CLVS1: variants seen among roughly 807,000 people sequenced by gnomAD.
CLVS1 encodes clavesin-1.
A neutral mutation model predicts 33.1 loss-of-function variants in CLVS1; 10 were observed. The observed-to-expected ratio is 0.30, with a 90% CI of 0.19 to 0.51. The LOEUF is 0.51. Ranked by LOEUF, CLVS1 falls within the 20% of genes least tolerant of loss-of-function variation. CLVS1 has a pLI of 0.97. For synonymous variants in CLVS1, 163 were observed against 166.1 expected (o/e 0.98, Z 0.14); for missense variants, 343 against 433.4 (o/e 0.79, Z 1.85).
At chr8:61,131,228 T>G (rs1806093310) in intron 1 of CLVS1, among the ~76,000 whole-genome samples, 1 of 152,200 alleles carries the variant, frequency 6.6e-6, no homozygotes, top group Admixed American at 6.5e-5. Context: ...ACAAAAGATG[T>G]CTGCCCTGAG....
chr8:61,203,087 G>T, intron 2 of CLVS1: 1 of 1,288,188 alleles, frequency 7.8e-7, no homozygotes, highest in East Asian at 2.3e-5. Context: ...AGACATTAAA[G>T]CAAAAATGCA....
chr8:61,410,369 A>G (rs1815173477), intron 3 of CLVS1, among the ~76,000 whole-genome samples: 1 of 152,190 alleles, frequency 6.6e-6, no homozygotes, highest in African/African-American at 2.4e-5. Context: ...GTGTCTATTC[A>G]TGTAGAGATA....
At chr8:61,158,343 C>G (rs1806688559) in intron 2 of CLVS1, among the ~76,000 whole-genome samples, 1 of 152,130 alleles carries the variant, frequency 6.6e-6, no homozygotes, top group South Asian at 2.1e-4. Flanking sequence ...GGTGGAGACA[C>G]TCTCCAGCTC....
chr8:61,087,826 T>C (rs543986114), intron 1 of CLVS1, among the ~76,000 whole-genome samples: 2 of 152,334 alleles, frequency 1.3e-5, no homozygotes, highest in Non-Finnish European at 2.9e-5. Flanking sequence ...ACTTAAAATA[T>C]GTAATATACA....
intron 2 of CLVS1, among the ~76,000 whole-genome samples, chr8:61,134,392 T>G (rs1806154687): frequency 6.6e-6 from 1 of 152,172 alleles, no homozygotes; most frequent in African/African-American, 2.4e-5. Context: ...CGTCACCTGT[T>G]TTTGTTTGGC....
chr8:61,058,289 C>A (rs553762728), intron 1 of CLVS1, among the ~76,000 whole-genome samples: 12 of 152,126 alleles, frequency 7.9e-5, no homozygotes, highest in Non-Finnish European at 1.5e-4. Context: ...CTGCATGGAT[C>A]AAGACCAGAG....
At chr8:61,388,481 A>G (rs1279537022) in intron 3 of CLVS1, among the ~76,000 whole-genome samples, 1 of 151,880 alleles carries the variant, frequency 6.6e-6, no homozygotes, top group Non-Finnish European at 1.5e-5. Flanking sequence ...TTTTGAGCCT[A>G]AAAAATGCAG....
At chr8:61,065,461 G>T (rs369300946) in intron 1 of CLVS1, among the ~76,000 whole-genome samples, 1 of 152,112 alleles carries the variant, frequency 6.6e-6, no homozygotes, top group African/African-American at 2.4e-5. Context: ...AAAGGTTTCT[G>T]CTGTAACCCA....
At chr8:61,335,094 C>A (rs745497262) in intron 2 of CLVS1, among the ~76,000 whole-genome samples, 2 of 152,122 alleles carry the variant, frequency 1.3e-5, no homozygotes, top group Non-Finnish European at 1.5e-5. Flanking sequence ...ATCAAGTGAG[C>A]CAGTTTATTG....
intron 1 of CLVS1, among the ~76,000 whole-genome samples, chr8:61,059,476 A>ATATATATATATATATG (rs1804541335): frequency 4.2e-5 from 1 of 23,826 alleles, no homozygotes; most frequent in Non-Finnish European, 7.1e-5. Context: ...ACATACATAC[A>ATATATATATATATATG]TATATATATA....
At chr8:61,459,666 C>T (rs986666415) in intron 5 of CLVS1, among the ~76,000 whole-genome samples, 3 of 152,190 alleles carry the variant, frequency 2.0e-5, no homozygotes, top group African/African-American at 7.2e-5. Context: ...ATCCCATTTC[C>T]TCCCAAATGG....
At chr8:61,279,705 G>A (rs1158122055) in intron 2 of CLVS1, among the ~76,000 whole-genome samples, 1 of 152,068 alleles carries the variant, frequency 6.6e-6, no homozygotes, top group Non-Finnish European at 1.5e-5. Flanking sequence ...AGTGTTATAG[G>A]ATATACATGT....
At chr8:61,351,392 T>C (rs1812455984) in intron 2 of CLVS1, among the ~76,000 whole-genome samples, 1 of 151,942 alleles carries the variant, frequency 6.6e-6, no homozygotes, top group African/African-American at 2.4e-5. Flanking sequence ...TTACCCAATA[T>C]GAACAGAGAG....
At chr8:60,967,495 C>T in the CLVS1 span, 1 of 354,834 alleles carries the variant, frequency 2.8e-6, no homozygotes, top group Non-Finnish European at 5.6e-6. Context: ...ACCAAGGGGA[C>T]CACGAGTGCA....
intron 1 of CLVS1, among the ~76,000 whole-genome samples, chr8:61,129,613 G>T (rs1585631138): frequency 1.3e-5 from 2 of 152,252 alleles, no homozygotes; most frequent in Admixed American, 1.3e-4. Flanking sequence ...CAGATTCTGT[G>T]TCCAATAAGG....
intron 1 of CLVS1, among the ~76,000 whole-genome samples, chr8:61,094,771 C>T (rs1302883171): frequency 2.0e-5 from 3 of 152,110 alleles, no homozygotes; most frequent in African/African-American, 7.2e-5. Context: ...AGGAGAGAGG[C>T]CTCAGATAAA....
At chr8:61,395,673 G>A (rs377752693) in intron 3 of CLVS1, among the ~76,000 whole-genome samples, 7 of 152,154 alleles carry the variant, frequency 4.6e-5, no homozygotes, top group Non-Finnish European at 7.4e-5. Context: ...TAGTGTTGGG[G>A]TGGGGTCTAA....
chr8:61,375,895 A>G (rs753225009), intron 2 of CLVS1, among the ~76,000 whole-genome samples: 1 of 152,182 alleles, frequency 6.6e-6, no homozygotes, highest in African/African-American at 2.4e-5. Flanking sequence ...GGCATATATG[A>G]TGTGGAGGAA....
chr8:60,976,071 A>G, the CLVS1 span, among the ~76,000 whole-genome samples: 1 of 152,328 alleles, frequency 6.6e-6, no homozygotes, highest in East Asian at 1.9e-4. Context: ...GAGGTACCTC[A>G]TTGAGTGCCA....
Sources: gnomAD v4.1 joint callset for allele counts (sites outside exome capture counted in the v4.1 genomes callset) on GRCh38, gnomAD v4.1.1 for gene constraint, MANE v1.5 for transcripts, NCBI Gene and HGNC (gene_info 2026-07-23, HGNC 2026-07-21) for gene names.